The following TEKT5 variants were observed in gnomAD, a reference collection of about 807,000 sequenced individuals.
The protein encoded by TEKT5 is tektin 5, also known as tektin-5.
TEKT5 carries 52 observed loss-of-function variants against 48.7 expected under a neutral mutation model. That is an observed-to-expected ratio of 1.07 (90% confidence interval 0.86 to 1.35). The LOEUF (loss-of-function observed/expected upper bound fraction) is 1.35. Among genes scored for constraint, TEKT5 ranks in the 40% most tolerant of loss-of-function variants. The pLI, the probability that TEKT5 is intolerant of heterozygous loss-of-function variation, is 0.00. For missense variants in TEKT5, 831 were observed against 641.6 expected (o/e 1.30, Z -3.19); for synonymous variants, 318 against 267.6 (o/e 1.19, Z -1.84).
chr16:10,672,732 CTA>C, intron 5 of TEKT5, among the ~76,000 whole-genome samples: 1 of 152,308 alleles, frequency 6.6e-6, no homozygotes, highest in Middle Eastern at 3.4e-3. Context: ...AGTAAATCAA[CTA>C]GTACATTAAG....
At chr16:10,635,053 G>C (rs942567340) in intron 6 of TEKT5, among the ~76,000 whole-genome samples, 1 of 152,152 alleles carries the variant, frequency 6.6e-6, no homozygotes, top group Non-Finnish European at 1.5e-5. Context: ...AATGCCCCTA[G>C]CATGGGGAGA....
intron 5 of TEKT5, among the ~76,000 whole-genome samples, chr16:10,638,587 C>T (rs8055907): frequency 0.17 from 25,748 of 152,068 alleles, 2,401 homozygotes; most frequent in African/African-American, 0.24. Context: ...TTCATTTGCC[C>T]AGACACTCCA....
At chr16:10,682,640 TAGA>T (rs1411300252) in intron 3 of TEKT5, among the ~76,000 whole-genome samples, 1 of 152,220 alleles carries the variant, frequency 6.6e-6, no homozygotes, top group Non-Finnish European at 1.5e-5. Context: ...TGCTGTCCTT[TAGA>T]AGAAGGATGG....
rs1257523287 is a variant in TEKT5 at position 10,677,261 on chromosome 16, G to T, written c.864-1080C>A. 3.1e-5 allele frequency among the ~76,000 whole-genome samples: 3 copies of T among 98,296 alleles called. 1 individual carries two copies. In the South Asian group the frequency reaches 9.8e-4, roughly 32 times the overall value. The allele number at this position is 98,296 out of a possible 152,430, so 64.5% of individuals were successfully genotyped here. ...GTGTCATTATGTGTTGGTCAGGGTT[G>T]TAAACGGGAATAGATGGAATACTCG... On this transcript the variant is annotated intron_variant, in intron 4 of 6. Coordinates refer to ENST00000283025, the MANE Select transcript of TEKT5 (RefSeq NM_144674.2).
At chr16:10,689,355 C>T (rs1292628146) in intron 2 of TEKT5, 32 bp from the exon 3 acceptor site, 3 of 1,562,112 alleles carry the variant, frequency 1.9e-6, no homozygotes, top group African/African-American at 2.7e-5. Flanking sequence ...AGAGCAGTGC[C>T]TCTTAGAACC....
In TEKT5 at chr16:10,676,288, G is replaced by A. The variant is rs1898646157; in HGVS notation, c.864-107C>T. On this transcript the variant is annotated intron_variant, in intron 4 of 6. Transcript: ENST00000283025. ...CTGGGTCGGGATTATTCTCTGTCCT[G>A]TGCATTGTAGGGTGCTTGGGATGTT... 3 of 1,069,112 alleles carry A rather than the reference G, an allele frequency of 2.8e-6. No individual in the cohort carries two copies. In the South Asian group the frequency reaches 4.4e-5, roughly 16 times the overall value. The allele number at this position is 1,069,112 out of a possible 1,614,324, so 66.2% of individuals were successfully genotyped here.
At chr16:10,685,837 G>T (rs537992135) in intron 3 of TEKT5, among the ~76,000 whole-genome samples, 1 of 152,018 alleles carries the variant, frequency 6.6e-6, no homozygotes, top group African/African-American at 2.4e-5. Flanking sequence ...CAGTCTTCCT[G>T]GTTCTCCCAG....
At chr16:10,681,952 T>A (rs927212045) in intron 4 of TEKT5, 41 bp downstream of exon 4, 2 of 1,603,136 alleles carry the variant, frequency 1.2e-6, no homozygotes, top group African/African-American at 2.7e-5. Context: ...CTCACTCCAG[T>A]TGGACACGCC....
chr16:10,663,584 C>T (rs1218473749), intron 5 of TEKT5, among the ~76,000 whole-genome samples: 1 of 152,076 alleles, frequency 6.6e-6, no homozygotes, highest in Non-Finnish European at 1.5e-5. Flanking sequence ...GAGGAGCGCT[C>T]CGGAGGGACC....
intron 3 of TEKT5, among the ~76,000 whole-genome samples, chr16:10,682,659 C>T (rs1482114879): frequency 6.6e-6 from 1 of 152,190 alleles, no homozygotes; most frequent in Non-Finnish European, 1.5e-5. Flanking sequence ...GATGGGTAAG[C>T]ACTTACCGTA....
chr16:10,640,111 G>T (rs77394325), intron 5 of TEKT5, among the ~76,000 whole-genome samples: 1,257 of 67,564 alleles, frequency 0.019, 39 homozygotes, highest in African/African-American at 0.11. Flanking sequence ...CCCTCCTCCC[G>T]TCTTCCTCCT....
chr16:10,654,324 T>G (rs534903653), intron 5 of TEKT5, among the ~76,000 whole-genome samples: 14 of 152,304 alleles, frequency 9.2e-5, no homozygotes, highest in African/African-American at 3.1e-4. Context: ...GTGCTGGGAT[T>G]ACAGATGTGA....
At chr16:10,684,338 T>G (rs951438146) in intron 3 of TEKT5, among the ~76,000 whole-genome samples, 1 of 151,972 alleles carries the variant, frequency 6.6e-6, no homozygotes, top group Admixed American at 6.6e-5. Context: ...CTTTCTTGGT[T>G]TCTCTCTGTC....
At chr16:10,633,824 G>A (rs1310134344) in intron 6 of TEKT5, among the ~76,000 whole-genome samples, 1 of 152,076 alleles carries the variant, frequency 6.6e-6, no homozygotes, top group Non-Finnish European at 1.5e-5. Context: ...AGGGACCCCA[G>A]ACCCTCAAGT....
At chr16:10,653,502 A>C (rs1377020905) in intron 5 of TEKT5, among the ~76,000 whole-genome samples, 1 of 152,222 alleles carries the variant, frequency 6.6e-6, no homozygotes, top group Non-Finnish European at 1.5e-5. Flanking sequence ...GTGACCTTGC[A>C]TGGATCACAA....
At position 10,694,647 on chromosome 16, in the gene TEKT5, G is replaced by C; in HGVS notation, c.227C>G (p.Thr76Ser). 1 of 1,613,122 alleles carries C rather than the reference G, an allele frequency of 6.2e-7. No homozygotes were observed. The highest frequency in any genetic ancestry group is 1.3e-5 in the African/African-American group (1 of 75,050). Residue 76 changes from threonine to serine, a missense_variant, in exon 1 of 7, where the codon ACC becomes AGC. By Grantham distance (58) the Thr-to-Ser change is moderately conservative (BLOSUM62 1). Coordinates refer to ENST00000283025, the MANE Select transcript of TEKT5 (RefSeq NM_144674.2). Reference sequence around the variant, plus strand: ...TGCGGAGCGCAGTGTGGGCAGGATGGTGGGCGGCCGCAGGGTACTGGTGCT... The same window carrying C: ...TGCGGAGCGCAGTGTGGGCAGGATGCTGGGCGGCCGCAGGGTACTGGTGCT... ...DESTSTLRPP[T>S]ILPTLRSALF...
chr16:10,694,187 G>C, intron 1 of TEKT5, 123 bp downstream of exon 1: 1 of 845,992 alleles, frequency 1.2e-6, no homozygotes, highest in Middle Eastern at 3.3e-4. Context: ...GATCGTATTC[G>C]ATGATGCAGC....
At chr16:10,672,318 T>C (rs1200301634) in intron 5 of TEKT5, among the ~76,000 whole-genome samples, 1 of 152,134 alleles carries the variant, frequency 6.6e-6, no homozygotes, top group Admixed American at 6.5e-5. Flanking sequence ...GGCTCACACA[T>C]GTAATTCCAG....
intron 5 of TEKT5, among the ~76,000 whole-genome samples, chr16:10,649,732 G>A (rs1031212121): frequency 2.0e-5 from 3 of 152,160 alleles, no homozygotes; most frequent in Non-Finnish European, 4.4e-5. Flanking sequence ...CACTGCACTC[G>A]GCCTATTTTT....
Sources: gnomAD v4.1 joint callset for allele counts (sites outside exome capture counted in the v4.1 genomes callset) on GRCh38, gnomAD v4.1.1 for gene constraint, MANE v1.5 for transcripts, NCBI Gene and HGNC (gene_info 2026-07-23, HGNC 2026-07-21) for gene names.